The following EPHA3 variants were observed in gnomAD, a reference collection of about 807,000 sequenced individuals.
EPHA3 encodes EPH receptor A3.
A neutral mutation model predicts 107.1 loss-of-function variants in EPHA3; 42 were observed. The observed-to-expected ratio is 0.39, with a 90% CI of 0.31 to 0.51. The LOEUF (loss-of-function observed/expected upper bound fraction) is 0.51. Ranked by LOEUF, EPHA3 falls within the 20% of genes least tolerant of loss-of-function variation. The pLI, the probability that EPHA3 is intolerant of heterozygous loss-of-function variation, is 0.78. For missense variants in EPHA3, 1,183 were observed against 1,211.2 expected (o/e 0.98, Z 0.35); for synonymous variants, 461 against 424.8 (o/e 1.09, Z -1.05).
At chr3:89,119,397 G>A (rs1174596679) in intron 1 of EPHA3, among the ~76,000 whole-genome samples, 1 of 152,040 alleles carries the variant, frequency 6.6e-6, no homozygotes, top group African/African-American at 2.4e-5. Context: ...GACTATTCCA[G>A]TGCGGAGTTT....
chr3:89,235,921 A>G (rs1704748987), intron 3 of EPHA3, among the ~76,000 whole-genome samples: 1 of 152,032 alleles, frequency 6.6e-6, no homozygotes, highest in Non-Finnish European at 1.5e-5. Context: ...AGTAAAAGTT[A>G]TAAAGTAGAA....
At chr3:89,455,439 C>G (rs781514803) in intron 15 of EPHA3, among the ~76,000 whole-genome samples, 1 of 152,134 alleles carries the variant, frequency 6.6e-6, no homozygotes, top group Non-Finnish European at 1.5e-5. Flanking sequence ...TGTCATGAAC[C>G]TAAGGAGGTA....
At chr3:89,340,033 G>C (rs1707482615) in intron 3 of EPHA3, among the ~76,000 whole-genome samples, 1 of 152,146 alleles carries the variant, frequency 6.6e-6, no homozygotes, top group Non-Finnish European at 1.5e-5. Flanking sequence ...AAGTAATGCA[G>C]CATTTTGAAT....
At chr3:89,136,886 A>G (rs1326157519) in intron 2 of EPHA3, among the ~76,000 whole-genome samples, 2 of 151,916 alleles carry the variant, frequency 1.3e-5, no homozygotes, top group Admixed American at 6.6e-5. Flanking sequence ...TTTCAAATAG[A>G]AGACAAAATT....
intron 3 of EPHA3, among the ~76,000 whole-genome samples, chr3:89,227,842 A>G (rs185870659): frequency 6.6e-6 from 1 of 152,064 alleles, no homozygotes; most frequent in Non-Finnish European, 1.5e-5. Flanking sequence ...TCACTCTTAT[A>G]TTAGGTTGTT....
intron 11 of EPHA3, among the ~76,000 whole-genome samples, chr3:89,427,950 T>A (rs1709491576): frequency 6.6e-6 from 1 of 152,012 alleles, no homozygotes; most frequent in African/African-American, 2.4e-5. Flanking sequence ...TCTTCTTAAT[T>A]GTTACCATAA....
intron 3 of EPHA3, among the ~76,000 whole-genome samples, chr3:89,329,076 C>A (rs1322973825): frequency 6.6e-6 from 1 of 152,060 alleles, no homozygotes; most frequent in Non-Finnish European, 1.5e-5. Flanking sequence ...ACACAATTAT[C>A]CTGAATGAGT....
chr3:89,368,168 T>C (rs1293077044), intron 5 of EPHA3, among the ~76,000 whole-genome samples: 1 of 150,384 alleles, frequency 6.6e-6, no homozygotes, highest in Admixed American at 6.7e-5. Context: ...GTGTGTGCTG[T>C]TGGTAGTTGT....
At chr3:89,160,592 G>GCA (rs1559757871) in intron 2 of EPHA3, among the ~76,000 whole-genome samples, 2 of 149,394 alleles carry the variant, frequency 1.3e-5, no homozygotes, top group African/African-American at 2.5e-5. Context: ...GTGTGTGTGC[G>GCA]CGCATTCTTT....
At chr3:89,152,721 T>A (rs1704715508) in intron 2 of EPHA3, among the ~76,000 whole-genome samples, 1 of 152,072 alleles carries the variant, frequency 6.6e-6, no homozygotes, top group African/African-American at 2.4e-5. Flanking sequence ...ATCTTTGAGG[T>A]TATAGGAATA....
intron 2 of EPHA3, among the ~76,000 whole-genome samples, chr3:89,196,338 C>T (rs1254034522): frequency 6.6e-6 from 1 of 152,138 alleles, no homozygotes; most frequent in Non-Finnish European, 1.5e-5. Context: ...GAAAACATAA[C>T]ACTATGTAAG....
At chr3:89,234,828 C>T (rs1704717358) in intron 3 of EPHA3, among the ~76,000 whole-genome samples, 1 of 110,544 alleles carries the variant, frequency 9.0e-6, no homozygotes, top group Non-Finnish European at 1.7e-5. Context: ...CCTTCCTTTC[C>T]TTTCCTTTCT....
intron 2 of EPHA3, among the ~76,000 whole-genome samples, chr3:89,142,724 T>C (rs1017236070): frequency 2.0e-5 from 3 of 151,618 alleles, no homozygotes; most frequent in Admixed American, 6.6e-5. Flanking sequence ...ATTTTTAAAA[T>C]GTAAAAGCCA....
chr3:89,185,149 G>A (rs1420138261), intron 2 of EPHA3, among the ~76,000 whole-genome samples: 1 of 151,970 alleles, frequency 6.6e-6, no homozygotes, highest in African/African-American at 2.4e-5. Flanking sequence ...GTTGTTTCCT[G>A]TATAATTCAA....
Position 89,482,085 on chromosome 3 carries a change from A to G in EPHA3, c.*2583A>G, listed in dbSNP as rs1559712713. ...ATGTAAAATGATTTGTAGTGGAAACATTTATATTTTTATAATAAACATAAT... is the reference window on the plus strand; with the variant it reads ...ATGTAAAATGATTTGTAGTGGAAACGTTTATATTTTTATAATAAACATAAT... On this transcript the variant is annotated 3_prime_UTR_variant, in exon 17 of 17. Transcript: ENST00000336596. The G allele has an allele frequency of 4.7e-6, 1 of 211,764 alleles. No individual in the cohort carries two copies. Among genetic ancestry groups the G allele is most frequent in the Non-Finnish European group, 9.6e-6 (1 of 104,032 alleles). 13.1% of individuals were successfully genotyped at this position (211,764 alleles called of 1,614,324 possible).
intron 2 of EPHA3, among the ~76,000 whole-genome samples, chr3:89,184,797 G>A (rs1335395135): frequency 3.9e-5 from 6 of 151,956 alleles, no homozygotes; most frequent in Admixed American, 6.6e-5. Context: ...GGAGTCAGGC[G>A]GAAAGATAGG....
At chr3:89,295,796 G>A (rs1258455695) in intron 3 of EPHA3, among the ~76,000 whole-genome samples, 2 of 151,826 alleles carry the variant, frequency 1.3e-5, no homozygotes, top group Non-Finnish European at 2.9e-5. Flanking sequence ...CCCTATGTTG[G>A]CCAGGCTGGT....
chr3:89,308,363 A>T lies in EPHA3; in HGVS notation c.815-32553A>T, dbSNP rs147074410. On this transcript the variant is annotated intron_variant, in intron 3 of 16. Coordinates refer to ENST00000336596, the MANE Select transcript of EPHA3 (RefSeq NM_005233.6). ...AGAGCAAAATAGTTTGAGAAGGGTT[A>T]GCAAGGTCAACTGGGACCATCAGAG... Among the ~76,000 whole-genome samples, 829 of 152,302 alleles carry T rather than the reference A, an allele frequency of 5.4e-3. 2 individuals carry two copies. The highest frequency in any genetic ancestry group is 8.7e-3 in the Non-Finnish European group (590 of 68,022).
At chr3:89,242,978 C>A (rs892280748) in intron 3 of EPHA3, among the ~76,000 whole-genome samples, 3 of 136,516 alleles carry the variant, frequency 2.2e-5, no homozygotes, top group Non-Finnish European at 4.6e-5. Context: ...TTGTTCAATT[C>A]CCACCTATAA....
Sources: gnomAD v4.1 joint callset for allele counts (sites outside exome capture counted in the v4.1 genomes callset) on GRCh38, gnomAD v4.1.1 for gene constraint, MANE v1.5 for transcripts, NCBI Gene and HGNC (gene_info 2026-07-23, HGNC 2026-07-21) for gene names.